Variants in NSMCE2 observed in about 807,000 individuals in gnomAD.
The protein encoded by NSMCE2 is E3 SUMO-protein ligase NSE2.
In NSMCE2, 24 loss-of-function variants were observed where a neutral mutation model predicts 23.8. The observed-to-expected ratio is 1.01, with a 90% CI of 0.73 to 1.42. The LOEUF is 1.42. Among genes scored for constraint, NSMCE2 ranks in the 40% most tolerant of loss-of-function variants. The pLI is 0.00. For missense variants in NSMCE2, 284 were observed against 296.5 expected, an observed-to-expected ratio of 0.96 and a Z score of 0.31; for synonymous variants, 92 against 94.1, an observed-to-expected ratio of 0.98 and a Z score of 0.13.
intron 5 of NSMCE2, among the ~76,000 whole-genome samples, chr8:125,299,901 C>T (rs998782203): frequency 6.8e-6 from 1 of 147,356 alleles, no homozygotes; most frequent in Non-Finnish European, 1.5e-5. Flanking sequence ...TCGCTGCAGC[C>T]TCCACCTCCC....
At position 125,151,248 on chromosome 8, in the gene NSMCE2, G is replaced by A. The variant is rs776411311; in HGVS notation, c.235G>A (p.Val79Ile). 5 of 1,598,904 alleles carry A rather than the reference G, an allele frequency of 3.1e-6. No homozygotes were observed. The South Asian group carries it at 5.5e-5, about 18-fold the overall frequency. ...ATTGGATCGGCAACTAAACCATTAT[G>A]TAAAGGCTGTTCAATCTACAATAAA... ...ATLDRQLNHYVKAVQSTINHV... is the reference protein window; with the variant it reads ...ATLDRQLNHYIKAVQSTINHV... The change falls in exon 4 of 8, where the codon GTA becomes ATA. Residue 79 changes from valine to isoleucine, a missense_variant. Physicochemically the swap from Val to Ile is conservative, Grantham distance 29. Around this residue, in one of 2 missense-constraint regions of NSMCE2, gnomAD observed 182 missense variants for 155.5 expected, o/e 1.17. Transcript: ENST00000287437.
intron 1 of NSMCE2, among the ~76,000 whole-genome samples, chr8:125,099,276 G>A (rs557450380): frequency 1.3e-3 from 194 of 152,224 alleles, no homozygotes; most frequent in African/African-American, 4.5e-3. Flanking sequence ...GAGATTGGGA[G>A]GGCTTGCCGT....
At chr8:125,113,881 G>T (rs145179959) in intron 3 of NSMCE2, among the ~76,000 whole-genome samples, 2 of 152,162 alleles carry the variant, frequency 1.3e-5, no homozygotes, top group African/African-American at 4.8e-5. Flanking sequence ...GGTTTAGCAG[G>T]TTCTAGGATT....
chr8:125,250,864 G>A (rs561853514), intron 5 of NSMCE2, among the ~76,000 whole-genome samples: 4 of 152,174 alleles, frequency 2.6e-5, no homozygotes, highest in Admixed American at 6.5e-5. Context: ...TGATCTTTAC[G>A]CAGGAAGATT....
intron 5 of NSMCE2, among the ~76,000 whole-genome samples, chr8:125,327,134 C>T (rs918526457): frequency 6.6e-6 from 1 of 151,356 alleles, no homozygotes; most frequent in Admixed American, 6.6e-5. Context: ...GGCGTGGTGG[C>T]GAGCACTTGT....
At chr8:125,211,432 A>G (rs1175454092) in intron 5 of NSMCE2, among the ~76,000 whole-genome samples, 2 of 152,236 alleles carry the variant, frequency 1.3e-5, no homozygotes, top group Non-Finnish European at 2.9e-5. Flanking sequence ...CAGTACATAT[A>G]GCACTGCCTC....
At position 125,282,453 on chromosome 8, in the gene NSMCE2, T is replaced by G. The variant is rs553257476; in HGVS notation, c.419-74766T>G. 4.6e-5 allele frequency among the ~76,000 whole-genome samples: 7 copies of G among 152,312 alleles called. No individual in the cohort carries two copies. The East Asian group carries it at 1.2e-3, about 25-fold the overall frequency. On this transcript the variant is annotated intron_variant, in intron 5 of 7. Coordinates refer to ENST00000287437, the MANE Select transcript of NSMCE2 (RefSeq NM_173685.4). ...TTAAATATTAGCTATTGATTGAAAT[T>G]TGAAATGCAACGTTTAGCTAAACAA...
At chr8:125,294,432 G>A (rs1487847455) in intron 5 of NSMCE2, among the ~76,000 whole-genome samples, 2 of 152,136 alleles carry the variant, frequency 1.3e-5, no homozygotes, top group African/African-American at 4.8e-5. Flanking sequence ...TTGTATGAGG[G>A]TTCCAATTGC....
intron 3 of NSMCE2, among the ~76,000 whole-genome samples, chr8:125,145,280 T>C (rs1274528607): frequency 6.6e-6 from 1 of 152,058 alleles, no homozygotes; most frequent in Admixed American, 6.6e-5. Context: ...GACATGCAGG[T>C]TTATAGGATG....
chr8:125,253,138 A>G (rs1027793291), intron 5 of NSMCE2, among the ~76,000 whole-genome samples: 1 of 152,214 alleles, frequency 6.6e-6, no homozygotes, highest in Non-Finnish European at 1.5e-5. Flanking sequence ...GGGTACTGCC[A>G]TTTCTCTTTA....
chr8:125,177,175 A>G (rs983893255), intron 4 of NSMCE2, among the ~76,000 whole-genome samples: 1 of 152,200 alleles, frequency 6.6e-6, no homozygotes, highest in African/African-American at 2.4e-5. Flanking sequence ...GTTTTTGATC[A>G]TTTACTATGG....
intron 5 of NSMCE2, among the ~76,000 whole-genome samples, chr8:125,327,401 T>C (rs1169598444): frequency 1.3e-5 from 2 of 152,208 alleles, no homozygotes; most frequent in Non-Finnish European, 2.9e-5. Flanking sequence ...TTTATTCATC[T>C]GAGTAGCTGC....
intron 5 of NSMCE2, among the ~76,000 whole-genome samples, chr8:125,296,365 T>C (rs1477927765): frequency 6.6e-6 from 1 of 151,394 alleles, no homozygotes; most frequent in African/African-American, 2.4e-5. Context: ...TGGATTTGGC[T>C]GTAGTCAAAT....
At chr8:125,222,712 T>C (rs1444501621) in intron 5 of NSMCE2, among the ~76,000 whole-genome samples, 1 of 152,208 alleles carries the variant, frequency 6.6e-6, no homozygotes, top group East Asian at 1.9e-4. Flanking sequence ...TTTTAAAGGC[T>C]AGCTAGTATT....
intron 5 of NSMCE2, among the ~76,000 whole-genome samples, chr8:125,317,814 T>C (rs1037219596): frequency 6.6e-6 from 1 of 152,228 alleles, no homozygotes; most frequent in Non-Finnish European, 1.5e-5. Context: ...CAGAAAAAGA[T>C]TGATAATTTG....
intron 5 of NSMCE2, among the ~76,000 whole-genome samples, chr8:125,266,947 A>G (rs956408220): frequency 2.0e-5 from 3 of 151,304 alleles, no homozygotes; most frequent in African/African-American, 7.3e-5. Flanking sequence ...TAATCTGAAC[A>G]TTTGGTTTGA....
chr8:125,325,645 C>T (rs1430828269), intron 5 of NSMCE2, among the ~76,000 whole-genome samples: 3 of 152,104 alleles, frequency 2.0e-5, no homozygotes, highest in African/African-American at 4.8e-5. Flanking sequence ...CTGTGCCTGG[C>T]TTAAGCAGCT....
At chr8:125,250,755 A>C (rs1826170361) in intron 5 of NSMCE2, among the ~76,000 whole-genome samples, 1 of 152,000 alleles carries the variant, frequency 6.6e-6, no homozygotes, top group Admixed American at 6.6e-5. Flanking sequence ...AGCTCAAGAG[A>C]TCCTCCAACC....
intron 5 of NSMCE2, among the ~76,000 whole-genome samples, chr8:125,352,267 G>A (rs1813067693): frequency 1.3e-5 from 2 of 151,978 alleles, no homozygotes; most frequent in Non-Finnish European, 2.9e-5. Flanking sequence ...GATCACCTGA[G>A]GTCAGTTCGC....
Sources: gnomAD v4.1 joint callset for allele counts (sites outside exome capture counted in the v4.1 genomes callset) on GRCh38, gnomAD v4.1.1 for gene constraint, gnomAD v4.1.1 regional missense constraint, MANE v1.5 for transcripts, NCBI Gene and HGNC (gene_info 2026-07-23, HGNC 2026-07-21) for gene names.